Variants in PRORP observed in about 807,000 individuals in gnomAD.
PRORP encodes mitochondrial ribonuclease P catalytic subunit.
A neutral mutation model predicts 59.4 loss-of-function variants in PRORP; 51 were observed. The observed-to-expected ratio is 0.86, with a 90% CI of 0.69 to 1.08. PRORP has a LOEUF of 1.08. Ranked by LOEUF, PRORP falls within the 50% of genes least tolerant of loss-of-function variation. PRORP has a pLI of 0.00. For missense variants in PRORP, 646 were observed against 690.3 expected (o/e 0.94, Z 0.72); for synonymous variants, 231 against 245.6 (o/e 0.94, Z 0.55).
intron 5 of PRORP, among the ~76,000 whole-genome samples, chr14:35,223,079 GTCT>G (rs2049831716): frequency 6.6e-6 from 1 of 152,240 alleles, no homozygotes; most frequent in African/African-American, 2.4e-5. Flanking sequence ...CTAGCATACT[GTCT>G]TCTTATAAAA....
At chr14:35,243,550 A>G (rs1364980281) in intron 5 of PRORP, among the ~76,000 whole-genome samples, 1 of 150,372 alleles carries the variant, frequency 6.7e-6, no homozygotes, top group Non-Finnish European at 1.5e-5. Flanking sequence ...AAAAAAAAAG[A>G]ATAAGGGACA....
At chr14:35,144,900 A>G (rs562140403) in intron 4 of PRORP, among the ~76,000 whole-genome samples, 2 of 146,120 alleles carry the variant, frequency 1.4e-5, no homozygotes, top group African/African-American at 4.9e-5. Context: ...ACACAAGCAT[A>G]TTAACAAAGG....
chr14:35,183,926 T>C (rs552001189), intron 5 of PRORP, among the ~76,000 whole-genome samples: 1 of 152,306 alleles, frequency 6.6e-6, no homozygotes, highest in South Asian at 2.1e-4. Flanking sequence ...CTTATCTTTC[T>C]CTTAATACAA....
chr14:35,158,638 C>T, intron 4 of PRORP: 2 of 371,112 alleles, frequency 5.4e-6, no homozygotes, highest in South Asian at 5.6e-5. Context: ...GAAATCTGTT[C>T]ACTTGTGATT....
intron 4 of PRORP, among the ~76,000 whole-genome samples, chr14:35,152,311 A>G (rs1371805734): frequency 1.3e-5 from 2 of 152,038 alleles, no homozygotes; most frequent in South Asian, 4.2e-4. Context: ...GAACAAAATG[A>G]AGTCTCCCAT....
chr14:35,257,341 G>A (rs1373235879), intron 5 of PRORP, among the ~76,000 whole-genome samples: 3 of 152,084 alleles, frequency 2.0e-5, no homozygotes, highest in Non-Finnish European at 2.9e-5. Flanking sequence ...CTCTGTATCC[G>A]TTAAACAATA....
rs567593074 is a variant in PRORP, at chr14:35,180,706, C to T, written c.1204C>T (p.Pro402Ser). The change falls in exon 5 of 8, where the codon CCT becomes TCT. Residue 402 changes from proline to serine, a missense_variant. Coordinates refer to ENST00000534898, the MANE Select transcript of PRORP (RefSeq NM_014672.4). ...ATTTGAGAACTTCATAAAATCTCGT[C>T]CTCCTTTTGATGTTGTCATTGATGG... Reference protein sequence around the residue: ...KRFENFIKSRPPFDVVIDGLN... With the variant: ...KRFENFIKSRSPFDVVIDGLN... 18 of 1,612,670 alleles carry T rather than the reference C, an allele frequency of 1.1e-5. No individual in the cohort carries two copies. In the South Asian group the frequency reaches 1.4e-4, roughly 13 times the overall value.
chr14:35,127,018 C>T (rs1419579765), intron 3 of PRORP, among the ~76,000 whole-genome samples: 1 of 152,130 alleles, frequency 6.6e-6, no homozygotes, highest in Non-Finnish European at 1.5e-5. Flanking sequence ...CCTAGAGGTT[C>T]CAGACCCAGT....
intron 4 of PRORP, among the ~76,000 whole-genome samples, chr14:35,131,317 C>T (rs889611367): frequency 6.6e-6 from 1 of 152,102 alleles, no homozygotes; most frequent in African/African-American, 2.4e-5. Context: ...AATCTCTCAG[C>T]TTTTGTTTGT....
intron 5 of PRORP, among the ~76,000 whole-genome samples, chr14:35,250,925 G>T (rs143334911): frequency 4.2e-4 from 64 of 151,932 alleles, no homozygotes; most frequent in Admixed American, 3.1e-3. Flanking sequence ...TTTGGTTCAT[G>T]ATTGAGTTCT....
intron 5 of PRORP, chr14:35,262,777 A>C (rs1377165921): frequency 5.0e-6 from 6 of 1,198,588 alleles, no homozygotes; most frequent in East Asian, 2.3e-5. Flanking sequence ...GTTATCCAGG[A>C]GAATGGGTCT....
chr14:35,148,999 A>G (rs2047677743), intron 4 of PRORP, among the ~76,000 whole-genome samples: 2 of 141,750 alleles, frequency 1.4e-5, no homozygotes, highest in Non-Finnish European at 3.0e-5. Context: ...GCTCACTGCA[A>G]GCTCCGCCTC....
intron 4 of PRORP, among the ~76,000 whole-genome samples, chr14:35,152,785 C>T (rs904901288): frequency 2.6e-5 from 4 of 152,024 alleles, no homozygotes; most frequent in Non-Finnish European, 5.9e-5. Flanking sequence ...CTCCTCACAT[C>T]CCAGACGGGG....
chr14:35,216,109 T>TTTATATTTATATATAATATATAA (rs1310831734), intron 5 of PRORP, among the ~76,000 whole-genome samples: 7 of 147,752 alleles, frequency 4.7e-5, no homozygotes, highest in South Asian at 2.1e-4. Flanking sequence ...TATGTATATA[T>TTTATATTTATATATAATATATAA]TTATATTTAT....
intron 5 of PRORP, among the ~76,000 whole-genome samples, chr14:35,259,993 GT>G (rs557378360): frequency 0.021 from 1,736 of 81,284 alleles, 13 homozygotes; most frequent in African/African-American, 0.074. Context: ...GGTTTTTCGG[GT>G]TTTTTTTTTT....
chr14:35,146,924 T>C (rs949373790), intron 4 of PRORP, among the ~76,000 whole-genome samples: 42 of 152,098 alleles, frequency 2.8e-4, no homozygotes, highest in African/African-American at 1.0e-3. Context: ...AGATCCCATC[T>C]CTACAAAAAA....
chr14:35,141,989 C>T (rs1185596131), intron 4 of PRORP, among the ~76,000 whole-genome samples: 1 of 145,374 alleles, frequency 6.9e-6, no homozygotes, highest in African/African-American at 2.4e-5. Context: ...AACGATTCTC[C>T]TGCCTCAGCC....
chr14:35,175,813 C>G (rs1285013244), intron 4 of PRORP, among the ~76,000 whole-genome samples: 1 of 152,130 alleles, frequency 6.6e-6, no homozygotes, highest in African/African-American at 2.4e-5. Flanking sequence ...GAAGTCCTTG[C>G]CCATGCCTAT....
chr14:35,269,347 T>A (rs1190622082), intron 6 of PRORP, among the ~76,000 whole-genome samples: 4 of 152,244 alleles, frequency 2.6e-5, no homozygotes, highest in African/African-American at 9.6e-5. Context: ...CCAAGAAGCC[T>A]GTTGGAAAGT....
Sources: allele counts gnomAD v4.1 joint callset (sites outside exome capture counted in the v4.1 genomes callset), GRCh38; gene constraint gnomAD v4.1.1; transcripts MANE v1.5; gene names NCBI Gene and HGNC (gene_info 2026-07-23, HGNC 2026-07-21).